The following CCDC73 variants were observed in gnomAD, a reference collection of about 807,000 sequenced individuals.
CCDC73 encodes the protein coiled-coil domain containing 73, also known as coiled-coil domain-containing protein 73.
CCDC73 carries 95 observed loss-of-function variants against 116.5 expected under a neutral mutation model. The observed-to-expected ratio is 0.82, with a 90% CI of 0.69 to 0.97. The LOEUF is 0.97. CCDC73 is among the 50% of genes least tolerant of loss of function. CCDC73 has a pLI of 0.00. For missense variants in CCDC73, 1,066 were observed against 1,206.8 expected, an observed-to-expected ratio of 0.88 and a Z score of 1.73; for synonymous variants, 398 against 401.3, an observed-to-expected ratio of 0.99 and a Z score of 0.10.
chr11:32,653,874 TAAC>T, intron 11 of CCDC73, 101 bp downstream of exon 11: 2 of 1,187,706 alleles, frequency 1.7e-6, no homozygotes, highest in Non-Finnish European at 2.3e-6. Context: ...TAATACACAT[TAAC>T]TGAGTGCCTA....
intron 9 of CCDC73, among the ~76,000 whole-genome samples, chr11:32,661,039 T>C (rs766215077): frequency 2.0e-5 from 3 of 152,070 alleles, no homozygotes; most frequent in Non-Finnish European, 4.4e-5. Flanking sequence ...GGTGAAGGTA[T>C]AGAGGTAATA....
At chr11:32,808,513 C>G in the CCDC73 span, among the ~76,000 whole-genome samples, 2 of 152,154 alleles carry the variant, frequency 1.3e-5, no homozygotes. Flanking sequence ...GTGGCATGTG[C>G]CTGTAGTCCC....
chr11:32,651,349 C>G (rs547701230), intron 12 of CCDC73, among the ~76,000 whole-genome samples: 1 of 152,340 alleles, frequency 6.6e-6, no homozygotes, highest in African/African-American at 2.4e-5. Context: ...GTTGTTATGT[C>G]TCACCCCAAA....
intron 7 of CCDC73, among the ~76,000 whole-genome samples, chr11:32,679,181 T>C (rs1856122010): frequency 1.3e-5 from 2 of 152,134 alleles, no homozygotes; most frequent in African/African-American, 4.8e-5. Flanking sequence ...AGCTTATGCC[T>C]ACCTGGGTAG....
At chr11:32,681,764 C>T (rs943361483) in intron 7 of CCDC73, 1 of 151,758 alleles carries the variant, frequency 6.6e-6, no homozygotes, top group Non-Finnish European at 1.5e-5. Flanking sequence ...AACTGAATTA[C>T]TGAATACTAT....
chr11:32,717,077 C>CA (rs990024270), intron 3 of CCDC73, among the ~76,000 whole-genome samples: 2 of 152,202 alleles, frequency 1.3e-5, no homozygotes, highest in Admixed American at 6.5e-5. Flanking sequence ...TTTACTCCCA[C>CA]AATCTGCACA....
intron 2 of CCDC73, among the ~76,000 whole-genome samples, chr11:32,721,759 G>A (rs1211538778): frequency 3.3e-5 from 5 of 151,716 alleles, no homozygotes; most frequent in Non-Finnish European, 4.4e-5. Flanking sequence ...CACAGTGCCC[G>A]GCTAATTTTT....
chr11:32,603,023 G>A lies in CCDC73; in HGVS notation c.3031-3C>T, dbSNP rs777834340. The A allele has an allele frequency of 6.3e-7, 1 of 1,583,686 alleles. No homozygotes were observed. Among genetic ancestry groups the A allele is most frequent in the South Asian group, 1.2e-5 (1 of 85,192 alleles). ...GATATCAGAGGCTTTGTTTTCACCT[G>A]GGAAAGATAAACTAATTTTACCTTC... On this transcript the variant is annotated splice_polypyrimidine_tract_variant and splice_region_variant and intron_variant, in intron 17 of 17. Coordinates refer to ENST00000335185, the MANE Select transcript of CCDC73 (RefSeq NM_001008391.4).
intron 13 of CCDC73, among the ~76,000 whole-genome samples, chr11:32,637,263 G>A (rs1027912310): frequency 9.2e-5 from 14 of 151,684 alleles, no homozygotes; most frequent in African/African-American, 2.4e-4. Context: ...CGCCCACCTC[G>A]GCCTCCCAAA....
intron 3 of CCDC73, among the ~76,000 whole-genome samples, chr11:32,708,356 C>A (rs555289838): frequency 5.3e-5 from 8 of 152,228 alleles, no homozygotes; most frequent in Middle Eastern, 3.4e-3. Flanking sequence ...CAGATTTGTT[C>A]TTTTTGCTTA....
chr11:32,626,218 C>T (rs1855572233), intron 14 of CCDC73, among the ~76,000 whole-genome samples: 1 of 152,066 alleles, frequency 6.6e-6, no homozygotes, highest in Admixed American at 6.6e-5. Flanking sequence ...AGTGAACTCC[C>T]ATTCACAATT....
At chr11:32,604,572 G>T (rs1252534540) in intron 17 of CCDC73, 1 of 151,984 alleles carries the variant, frequency 6.6e-6, no homozygotes, top group Non-Finnish European at 1.5e-5. Flanking sequence ...TATTTTTATT[G>T]GTTTATATGC....
At chr11:32,801,391 C>A in the CCDC73 span, among the ~76,000 whole-genome samples, 5 of 152,136 alleles carry the variant, frequency 3.3e-5, no homozygotes, top group African/African-American at 1.2e-4. Context: ...GCCTGTAATC[C>A]CAGCATTTTG....
chr11:32,631,980 G>C (rs991124411), intron 14 of CCDC73, among the ~76,000 whole-genome samples: 2 of 152,162 alleles, frequency 1.3e-5, no homozygotes, highest in Admixed American at 6.5e-5. Flanking sequence ...CCATGGATAT[G>C]GGTATGAGTA....
At chr11:32,813,000 T>C in the CCDC73 span, among the ~76,000 whole-genome samples, 1 of 152,182 alleles carries the variant, frequency 6.6e-6, no homozygotes. Context: ...ATTTAGCATG[T>C]TTTTATATAT....
In CCDC73 at chr11:32,613,865, A is replaced by G. The variant is rs2133220421; in HGVS notation, c.2453T>C (p.Val818Ala). Residue 818 changes from valine to alanine, a missense_variant, in exon 16 of 18, where the codon GTA becomes GCA. Physicochemically the swap from Val to Ala is moderately conservative, Grantham distance 64 (BLOSUM62 0). Transcript: ENST00000335185. ...NKKNQIDENQVTEATKNDLFL... is the reference protein window; with the variant it reads ...NKKNQIDENQATEATKNDLFL... ...GAGGTCATTTTTTGTGGCTTCAGTT[A>G]CCTGATTCTCATCAATCTGATTCTT... The G allele has an allele frequency of 6.2e-7, 1 of 1,613,484 alleles. No individual in the cohort carries two copies. Among genetic ancestry groups the G allele is most frequent in the Middle Eastern group, 1.7e-4 (1 of 6,056 alleles).
At chr11:32,635,576 A>G in intron 14 of CCDC73, 120 bp downstream of exon 14, 1 of 852,516 alleles carries the variant, frequency 1.2e-6, no homozygotes. Context: ...ATTAGAGACC[A>G]TATGCATATA....
intron 9 of CCDC73, among the ~76,000 whole-genome samples, chr11:32,668,312 T>G (rs1856006623): frequency 6.6e-6 from 1 of 152,174 alleles, no homozygotes; most frequent in Non-Finnish European, 1.5e-5. Context: ...CCGGTAACAA[T>G]AAAGGCTTTC....
At chr11:32,758,693 T>A (rs567264190) in intron 2 of CCDC73, 9 of 226,550 alleles carry the variant, frequency 4.0e-5, no homozygotes, top group Non-Finnish European at 7.2e-5. Context: ...TTTCAGAAAA[T>A]TTTTAAAGGA....
Sources: gnomAD v4.1 joint callset for allele counts (sites outside exome capture counted in the v4.1 genomes callset) on GRCh38, gnomAD v4.1.1 for gene constraint, MANE v1.5 for transcripts, NCBI Gene and HGNC (gene_info 2026-07-23, HGNC 2026-07-21) for gene names.